Variants in NR2E1 observed in about 807,000 individuals in gnomAD.
The protein encoded by NR2E1 is nuclear receptor subfamily 2 group E member 1, also known as nuclear receptor TLX.
Under a neutral mutation model 43.6 loss-of-function variants are expected in NR2E1, and 5 were observed. The ratio of observed to expected loss-of-function variants is 0.11; its 90% confidence interval spans 0.06 to 0.24. NR2E1 has a LOEUF of 0.24. Ranked by LOEUF, NR2E1 falls within the 10% of genes least tolerant of loss-of-function variation. NR2E1 has a pLI of 1.00. For missense variants in NR2E1, 287 were observed against 496.7 expected (o/e 0.58, Z 4.01); for synonymous variants, 191 against 195.5 (o/e 0.98, Z 0.19).
At chr6:108,182,387 C>CT (rs937345297) in intron 8 of NR2E1, among the ~76,000 whole-genome samples, 8 of 150,424 alleles carry the variant, frequency 5.3e-5, no homozygotes, top group South Asian at 2.1e-4. Flanking sequence ...GAGAGGCTAT[C>CT]TTTTTTTTTG....
chr6:108,169,644 C>G lies in NR2E1; in HGVS notation c.26-1814C>G, dbSNP rs953716954. Among the ~76,000 whole-genome samples the G allele has an allele frequency of 1.3e-5, 2 of 152,086 alleles. No individual in the cohort carries two copies. Among genetic ancestry groups the G allele is most frequent in the African/African-American group, 4.8e-5 (2 of 41,412 alleles). The stretch of plus-strand genomic sequence containing the variant: ...GAGTGCAGTGCAGCGGAGCTCCAGA[C>G]CCGGTTCCTGAGCGACCAGGAACTC... On this transcript the variant is annotated intron_variant, in intron 1 of 8. Transcript: ENST00000368986. This position sits in a 1 kb window ranked among gnomAD's most constrained non-coding sequence, Gnocchi z 6.1.
chr6:108,178,016 T>C (rs1384026474), intron 4 of NR2E1, 79 bp from the exon 5 acceptor site: 38 of 1,488,364 alleles, frequency 2.6e-5, no homozygotes, highest in Non-Finnish European at 3.4e-5. Flanking sequence ...CTTGCTTTAA[T>C]TAGAAATTAA....
At chr6:108,171,931 A>T (rs1436557338) in intron 2 of NR2E1, among the ~76,000 whole-genome samples, 1 of 152,192 alleles carries the variant, frequency 6.6e-6, no homozygotes, top group Admixed American at 6.5e-5. Flanking sequence ...AAGGGACCTA[A>T]AGAATTTAGC....
At chr6:108,167,518 A>T (rs2114668421) in intron 1 of NR2E1, among the ~76,000 whole-genome samples, 1 of 151,896 alleles carries the variant, frequency 6.6e-6, no homozygotes, top group African/African-American at 2.4e-5. Context: ...CCACCCCGAG[A>T]CTCACGAGCG....
At chr6:108,176,767 C>T in intron 4 of NR2E1, 29 bp downstream of exon 4, 1 of 1,532,220 alleles carries the variant, frequency 6.5e-7, no homozygotes, top group Non-Finnish European at 8.8e-7. Flanking sequence ...CCCAAAGAGA[C>T]TCGTGCCAGC....
At chr6:108,186,892 A>G (rs9486829) in intron 8 of NR2E1, among the ~76,000 whole-genome samples, 62,085 of 152,040 alleles carry the variant, frequency 0.41, 13,016 homozygotes, top group Non-Finnish European at 0.47. Flanking sequence ...TTTGAGGGAA[A>G]TAGCCTTGAG....
rs370332589 is a variant in NR2E1, at chr6:108,180,446, T to C, written c.739+27T>C. On this transcript the variant is annotated intron_variant, in intron 6 of 8. Transcript: ENST00000368986. This position sits in a 1 kb window ranked among gnomAD's most constrained non-coding sequence, Gnocchi z 5.4. ...TAAGAATTGCACAATTTAATGACTT[T>C]GTTGTAGAAATTACCATAAAAATAC... is the stretch of plus-strand genomic sequence containing the variant. The C allele has an allele frequency of 6.2e-6, 9 of 1,445,960 alleles. No individual in the cohort carries two copies. Among genetic ancestry groups the C allele is most frequent in the African/African-American group, 4.2e-5 (3 of 71,622 alleles). The allele number at this position is 1,445,960 out of a possible 1,614,324, so 89.6% of individuals were successfully genotyped here.
chr6:108,182,759 G>A (rs538951255), intron 8 of NR2E1, among the ~76,000 whole-genome samples: 12 of 152,046 alleles, frequency 7.9e-5, no homozygotes, highest in South Asian at 2.1e-4. Context: ...GGGTTTCACC[G>A]TGTTGGCCAG....
intron 3 of NR2E1, among the ~76,000 whole-genome samples, chr6:108,175,188 G>A (rs1293314678): frequency 6.6e-6 from 1 of 152,152 alleles, no homozygotes; most frequent in African/African-American, 2.4e-5. Context: ...GCGCTTGGGG[G>A]GACCCCACTC....
chr6:108,166,806 G>C lies in NR2E1; in HGVS notation c.25+16G>C. The C allele has an allele frequency of 6.3e-7, 1 of 1,589,874 alleles. No individual in the cohort carries two copies. Among genetic ancestry groups the C allele is most frequent in the Non-Finnish European group, 8.5e-7 (1 of 1,171,784 alleles). ...GGATCAACAAGTGGGTACCTCTCGG[G>C]CCGCCGTGGGGCCTAGGCGCGCAGC... On this transcript the variant is annotated intron_variant, in intron 1 of 8. Transcript: ENST00000368986. The surrounding 1 kb of genome is among the most constrained non-coding windows in gnomAD (Gnocchi z 7.2).
At chr6:108,176,770 G>C in intron 4 of NR2E1, 32 bp downstream of exon 4, 1 of 1,531,386 alleles carries the variant, frequency 6.5e-7, no homozygotes, top group Non-Finnish European at 8.8e-7. Flanking sequence ...AAAGAGACTC[G>C]TGCCAGCGAA....
chr6:108,178,351 A>G, intron 5 of NR2E1, 110 bp downstream of exon 5: 5 of 1,132,526 alleles, frequency 4.4e-6, no homozygotes, highest in Non-Finnish European at 6.6e-6. Context: ...GCAGGCATCC[A>G]TTCTTAATAG....
At chr6:108,174,103 T>C (rs1773857323) in intron 2 of NR2E1, among the ~76,000 whole-genome samples, 1 of 152,182 alleles carries the variant, frequency 6.6e-6, no homozygotes, top group Admixed American at 6.5e-5. Context: ...CTCTTCCTTT[T>C]TCACCCTCAT....
intron 2 of NR2E1, among the ~76,000 whole-genome samples, chr6:108,172,063 C>T (rs768622304): frequency 2.6e-5 from 4 of 152,170 alleles, no homozygotes; most frequent in East Asian, 3.8e-4. Flanking sequence ...CAGAAGTAAG[C>T]GGCACACAGA....
At chr6:108,168,291 G>T in intron 1 of NR2E1, 1 of 932,512 alleles carries the variant, frequency 1.1e-6, no homozygotes, top group Admixed American at 3.0e-5. Context: ...GTCTCGGCAG[G>T]CCTCCTAGCT....
chr6:108,180,017 G>T lies in NR2E1; in HGVS notation c.643-306G>T, dbSNP rs996032783. ...AGCTGCTGGCATTTCATAAAGCCTC[G>T]CTCTCTAGAGGAGCTTCTAGGTGGT... On this transcript the variant is annotated intron_variant, in intron 5 of 8. Coordinates refer to ENST00000368986, the MANE Select transcript of NR2E1 (RefSeq NM_003269.5). The surrounding 1 kb of genome is among the most constrained non-coding windows in gnomAD (Gnocchi z 5.4). 1.3e-5 allele frequency among the ~76,000 whole-genome samples: 2 copies of T among 151,958 alleles called. No individual in the cohort carries two copies. The highest frequency in any genetic ancestry group is 2.4e-5 in the African/African-American group (1 of 41,368).
Position 108,166,881 on chromosome 6 carries a change from C to A in NR2E1, c.25+91C>A, listed in dbSNP as rs920284521. ...GGGGGAGGTCCTGCCTGGAGCGCTG[C>A]GAATCTGAGCCCCTGAGAGGGATTC... On this transcript the variant is annotated intron_variant, in intron 1 of 8. Coordinates refer to ENST00000368986, the MANE Select transcript of NR2E1 (RefSeq NM_003269.5). This position sits in a 1 kb window ranked among gnomAD's most constrained non-coding sequence, Gnocchi z 7.2. 2 of 1,312,134 alleles carry A rather than the reference C, an allele frequency of 1.5e-6. No homozygotes were observed. The highest frequency in any genetic ancestry group is 2.5e-5 in the East Asian group (1 of 40,564). The allele number at this position is 1,312,134 out of a possible 1,614,324, so 81.3% of individuals were successfully genotyped here. A position where few individuals can be genotyped will look rare whatever the true frequency, so the allele number is the denominator to read the frequency against.
At chr6:108,175,011 A>T in intron 3 of NR2E1, 88 bp downstream of exon 3, 1 of 1,230,126 alleles carries the variant, frequency 8.1e-7, no homozygotes, top group South Asian at 1.2e-5. Context: ...TATGCATGTA[A>T]ATCAACCCCG....
At chr6:108,184,677 G>A (rs1487215795) in intron 8 of NR2E1, among the ~76,000 whole-genome samples, 1 of 152,162 alleles carries the variant, frequency 6.6e-6, no homozygotes, top group Admixed American at 6.5e-5. Context: ...AGAGAGGTGA[G>A]TGAGGAGGGG....
Sources: gnomAD v4.1 joint callset for allele counts (sites outside exome capture counted in the v4.1 genomes callset) on GRCh38, gnomAD v4.1.1 for gene constraint, Gnocchi (gnomAD v3.1) non-coding constraint, MANE v1.5 for transcripts, NCBI Gene and HGNC (gene_info 2026-07-23, HGNC 2026-07-21) for gene names.